PTPRD: variants seen among roughly 807,000 people sequenced by gnomAD.
The protein encoded by PTPRD is protein tyrosine phosphatase receptor type D.
A neutral mutation model predicts 214.5 loss-of-function variants in PTPRD; 34 were observed. The observed-to-expected ratio is 0.16, with a 90% confidence interval of 0.12 to 0.21. The LOEUF is 0.21. Ranked by LOEUF, PTPRD falls within the 10% of genes least tolerant of loss-of-function variation. PTPRD has a pLI of 1.00. For missense variants in PTPRD, 2,545 were observed against 2,398.7 expected (o/e 1.06, Z -1.27); for synonymous variants, 1,128 against 845.7 (o/e 1.33, Z -5.79).
chr9:9,495,075 T>C (rs1359413898), intron 8 of PTPRD, among the ~76,000 whole-genome samples: 1 of 152,086 alleles, frequency 6.6e-6, no homozygotes, highest in African/African-American at 2.4e-5. Context: ...AACTATAGTC[T>C]TTTCAATAAA....
At chr9:8,342,086 C>T in intron 39 of PTPRD, 108 bp from the exon 40 acceptor site, 1 of 1,143,600 alleles carries the variant, frequency 8.7e-7, no homozygotes, top group Non-Finnish European at 1.2e-6. Context: ...TCCATTACTT[C>T]TACTCAAATA....
intron 11 of PTPRD, among the ~76,000 whole-genome samples, chr9:8,880,894 C>T (rs779704745): frequency 2.6e-5 from 4 of 152,046 alleles, no homozygotes; most frequent in Non-Finnish European, 5.9e-5. Context: ...AAGCCATCCT[C>T]CCACATGCAC....
intron 34 of PTPRD, 90 bp downstream of exon 34, chr9:8,449,635 A>C: frequency 8.4e-7 from 1 of 1,184,690 alleles, no homozygotes; most frequent in Non-Finnish European, 1.2e-6. Flanking sequence ...ATGGCTCAAA[A>C]TAAAGTGATA....
intron 2 of PTPRD, among the ~76,000 whole-genome samples, chr9:10,566,632 GTCTTT>G (rs1355242810): frequency 6.6e-6 from 1 of 151,952 alleles, no homozygotes; most frequent in Non-Finnish European, 1.5e-5. Flanking sequence ...CTCATTCAGT[GTCTTT>G]TCTTTTCACT....
intron 4 of PTPRD, among the ~76,000 whole-genome samples, chr9:10,025,163 G>C (rs2096900033): frequency 1.3e-5 from 2 of 152,070 alleles, no homozygotes; most frequent in African/African-American, 4.8e-5. Context: ...GGATGGCTAG[G>C]TCAAATGGTA....
chr9:9,476,471 A>G (rs1014257168), intron 8 of PTPRD, among the ~76,000 whole-genome samples: 19 of 152,324 alleles, frequency 1.2e-4, no homozygotes, highest in African/African-American at 4.6e-4. Flanking sequence ...GGGGATAATC[A>G]AGGGTAGGAA....
At chr9:9,853,834 G>A (rs2061018217) in intron 5 of PTPRD, among the ~76,000 whole-genome samples, 1 of 152,156 alleles carries the variant, frequency 6.6e-6, no homozygotes, top group Admixed American at 6.5e-5. Flanking sequence ...GAGATTATAG[G>A]CGTGAGCCAC....
chr9:10,067,302 T>C (rs2097904507), intron 3 of PTPRD, among the ~76,000 whole-genome samples: 2 of 152,044 alleles, frequency 1.3e-5, no homozygotes, highest in South Asian at 4.1e-4. Flanking sequence ...CTGTATTGTG[T>C]ACTAACAGTA....
chr9:9,135,727 C>A (rs2099849800), intron 10 of PTPRD, among the ~76,000 whole-genome samples: 1 of 151,666 alleles, frequency 6.6e-6, no homozygotes, highest in Non-Finnish European at 1.5e-5. Flanking sequence ...TATGTTAGAA[C>A]TTTGGCTATG....
chr9:9,711,431 T>C (rs145600339), intron 7 of PTPRD, among the ~76,000 whole-genome samples: 3 of 152,214 alleles, frequency 2.0e-5, no homozygotes, highest in African/African-American at 7.2e-5. Context: ...TATCTATTAT[T>C]AGAAAAACAT....
chr9:9,424,203 C>G (rs2079938747), intron 8 of PTPRD, among the ~76,000 whole-genome samples: 1 of 152,202 alleles, frequency 6.6e-6, no homozygotes, highest in Non-Finnish European at 1.5e-5. Context: ...GCCACTTCAT[C>G]ACAGTTTTAC....
intron 12 of PTPRD, among the ~76,000 whole-genome samples, chr9:8,660,072 T>A (rs776828859): frequency 6.6e-6 from 1 of 152,226 alleles, no homozygotes; most frequent in Admixed American, 6.5e-5. Flanking sequence ...TCATTACCAC[T>A]TCCTAATGAA....
chr9:9,562,969 G>A (rs987965249), intron 8 of PTPRD, among the ~76,000 whole-genome samples: 1 of 152,158 alleles, frequency 6.6e-6, no homozygotes, highest in Non-Finnish European at 1.5e-5. Flanking sequence ...CAATGGTCTA[G>A]AACACAGTAG....
intron 14 of PTPRD, among the ~76,000 whole-genome samples, chr9:8,562,192 A>C (rs2086663127): frequency 6.6e-6 from 1 of 152,120 alleles, no homozygotes; most frequent in Admixed American, 6.6e-5. Context: ...AATAAGCTAT[A>C]AGGTGGATAA....
At chr9:9,753,089 A>G (rs1017958405) in intron 6 of PTPRD, among the ~76,000 whole-genome samples, 1 of 152,090 alleles carries the variant, frequency 6.6e-6, no homozygotes, top group Non-Finnish European at 1.5e-5. Context: ...CTTTTAATAC[A>G]ACAAACTTTG....
At chr9:8,365,181 G>A (rs375267749) in intron 39 of PTPRD, among the ~76,000 whole-genome samples, 1 of 152,138 alleles carries the variant, frequency 6.6e-6, no homozygotes, top group East Asian at 1.9e-4. Flanking sequence ...GAGGGGAAGT[G>A]GTCTGAGAGT....
intron 4 of PTPRD, among the ~76,000 whole-genome samples, chr9:10,014,423 G>A (rs2096660026): frequency 6.6e-6 from 1 of 151,960 alleles, no homozygotes; most frequent in Admixed American, 6.6e-5. Context: ...AAAGTCCAGT[G>A]ACCATGAAGC....
intron 30 of PTPRD, among the ~76,000 whole-genome samples, chr9:8,476,523 C>T (rs2096768850): frequency 6.6e-6 from 1 of 152,164 alleles, no homozygotes; most frequent in African/African-American, 2.4e-5. Flanking sequence ...GTCACTCCCA[C>T]CTAGTTAACT....
Position 10,085,587 on chromosome 9 carries a change from T to C in PTPRD, c.-544-51797A>G, listed in dbSNP as rs2098323199. Among the ~76,000 whole-genome samples the C allele has an allele frequency of 2.0e-5, 3 of 149,648 alleles. No homozygotes were observed. The South Asian group carries it at 6.3e-4, about 31-fold the overall frequency. On this transcript the variant is annotated intron_variant, in intron 3 of 45. Coordinates refer to ENST00000381196, the MANE Select transcript of PTPRD (RefSeq NM_002839.4). ...AGAGATGCTGGTCATAAGCTAAATC[T>C]CAGGAAATGAGACACAGAGAAGAAA...
Sources: gnomAD v4.1 joint callset for allele counts (sites outside exome capture counted in the v4.1 genomes callset) on GRCh38, gnomAD v4.1.1 for gene constraint, MANE v1.5 for transcripts, NCBI Gene and HGNC (gene_info 2026-07-23, HGNC 2026-07-21) for gene names.